MORN1: variants seen among roughly 807,000 people sequenced by gnomAD.
The protein encoded by MORN1 is MORN repeat-containing protein 1.
A neutral mutation model predicts 61.9 loss-of-function variants in MORN1; 67 were observed. The ratio of observed to expected loss-of-function variants is 1.08; its 90% CI spans 0.89 to 1.33. The LOEUF is 1.33. MORN1 is among the 40% of genes most tolerant of loss of function. MORN1 has a pLI of 0.00. For missense variants in MORN1, 752 were observed against 691.2 expected, an observed-to-expected ratio of 1.09 and a Z score of -0.99; for synonymous variants, 301 against 292.0, an observed-to-expected ratio of 1.03 and a Z score of -0.31.
At chr1:2,390,752 C>G (rs1029174694) in intron 1 of MORN1, 3 of 883,478 alleles carry the variant, frequency 3.4e-6, no homozygotes, top group Non-Finnish European at 4.0e-6. Flanking sequence ...AAAACCTGCT[C>G]TTTTTTTTTT....
intron 6 of MORN1, among the ~76,000 whole-genome samples, chr1:2,383,682 G>A (rs999049290): frequency 6.6e-6 from 1 of 152,052 alleles, no homozygotes; most frequent in Non-Finnish European, 1.5e-5. Flanking sequence ...AGACCTGCAC[G>A]CGTGGTTCCT....
In MORN1 at chr1:2,381,119, C is replaced by T. The variant is rs72923103; in HGVS notation, c.537+3859G>A. On this transcript the variant is annotated intron_variant, in intron 6 of 13. Coordinates refer to ENST00000378531, the MANE Select transcript of MORN1 (RefSeq NM_024848.3). ...TCGCTTCTCCTCATTATCCAGAGTC[C>T]AAGGGACAGACCTGGTAATGTCTTC... Among the ~76,000 whole-genome samples the T allele has an allele frequency of 3.6e-3, 550 of 152,356 alleles. 4 individuals are homozygous for T. Among genetic ancestry groups the T allele is most frequent in the African/African-American group, 0.012 (506 of 41,590 alleles).
chr1:2,357,358 C>A lies in MORN1; in HGVS notation c.1036+74G>T. The A allele has an allele frequency of 6.7e-7, 1 of 1,501,304 alleles. No individual in the cohort carries two copies. Among genetic ancestry groups the A allele is most frequent in the South Asian group, 1.3e-5 (1 of 77,388 alleles). 93.0% of individuals were successfully genotyped at this position (1,501,304 alleles called of 1,614,324 possible). On this transcript the variant is annotated intron_variant, in intron 10 of 13. Transcript: ENST00000378531. This position sits in a 1 kb window ranked among gnomAD's most constrained non-coding sequence, Gnocchi z 6.3. ...CCTGCTCTGGCCTGGTTCTGGGTCC[C>A]CATGACCCCACCCCCACCTTGACTG...
Position 2,384,968 on chromosome 1 carries a change from C to G in MORN1, c.537+10G>C. 6.4e-7 allele frequency: 1 copy of G among 1,554,710 alleles called. No individual in the cohort carries two copies. The highest frequency in any genetic ancestry group is 8.7e-7 in the Non-Finnish European group (1 of 1,148,936). On this transcript the variant is annotated intron_variant, in intron 6 of 13. Transcript: ENST00000378531. The stretch of plus-strand genomic sequence containing the variant: ...CCTCTGGGCAGCAGGTGCCGCGCGC[C>G]CCCGGGTACCTTGTAGGTGGAGCCG...
chr1:2,357,353 G>A lies in MORN1; in HGVS notation c.1036+79C>T. On this transcript the variant is annotated intron_variant, in intron 10 of 13. Transcript: ENST00000378531. The surrounding 1 kb of genome is among the most constrained non-coding windows in gnomAD (Gnocchi z 6.3). ...TTGCTCCTGCTCTGGCCTGGTTCTG[G>A]GTCCCCATGACCCCACCCCCACCTT... 6.7e-7 allele frequency: 1 copy of A among 1,482,376 alleles called. No individual in the cohort carries two copies. The highest frequency in any genetic ancestry group is 1.3e-5 in the South Asian group (1 of 75,886). The allele number at this position is 1,482,376 out of a possible 1,614,324, so 91.8% of individuals were successfully genotyped here.
intron 10 of MORN1, among the ~76,000 whole-genome samples, chr1:2,340,144 C>T (rs1641364642): frequency 6.6e-6 from 1 of 152,196 alleles, no homozygotes; most frequent in South Asian, 2.1e-4. Flanking sequence ...TGCCCCTGGG[C>T]CCTCCGGGAG....
chr1:2,384,615 G>T (rs890534925), intron 6 of MORN1, among the ~76,000 whole-genome samples: 4 of 152,208 alleles, frequency 2.6e-5, no homozygotes, highest in African/African-American at 9.7e-5. Context: ...GGTGGAGAAG[G>T]CCCCGCCTCA....
intron 13 of MORN1, chr1:2,322,731 G>A: frequency 1.0e-6 from 1 of 985,470 alleles, no homozygotes. Context: ...GTGTTCCCAG[G>A]AATCCAGCTA....
intron 8 of MORN1, among the ~76,000 whole-genome samples, chr1:2,366,467 T>C (rs1641997924): frequency 6.6e-6 from 1 of 151,744 alleles, no homozygotes; most frequent in Non-Finnish European, 1.5e-5. Context: ...CCTAAAACTT[T>C]AAGTATAATA....
chr1:2,359,497 G>A (rs1641847682), intron 8 of MORN1, among the ~76,000 whole-genome samples: 2 of 152,320 alleles, frequency 1.3e-5, no homozygotes, highest in South Asian at 4.1e-4. Flanking sequence ...GCCACACCCA[G>A]AAGACCCCAC....
rs778061777 is a variant in MORN1, at chr1:2,374,523, C to T, written c.572G>A (p.Gly191Asp). 6.2e-7 allele frequency: 1 copy of T among 1,602,962 alleles called. No individual in the cohort carries two copies. Among genetic ancestry groups the T allele is most frequent in the Non-Finnish European group, 8.5e-7 (1 of 1,175,454 alleles). ...QWHSDVFSGL[G>D]SMAHCSGVTY... Reference sequence around the variant, plus strand: ...GACCCCTGAGCAGTGGGCCATGCTGCCCAGTCCACTGAAGACGTCGCTGTG... The same window carrying T: ...GACCCCTGAGCAGTGGGCCATGCTGTCCAGTCCACTGAAGACGTCGCTGTG... Residue 191 changes from glycine (G) to aspartate (D), a missense_variant, in exon 7 of 14, where the codon GGC becomes GAC. Transcript: ENST00000378531.
chr1:2,375,146 T>C (rs1257771506), intron 6 of MORN1: 4 of 152,256 alleles, frequency 2.6e-5, no homozygotes, highest in East Asian at 3.8e-4. Flanking sequence ...TCATGTGAAA[T>C]AGCAGGGTGA....
chr1:2,354,429 C>T (rs1002872588), intron 10 of MORN1, among the ~76,000 whole-genome samples: 4 of 151,710 alleles, frequency 2.6e-5, no homozygotes, highest in East Asian at 3.9e-4. Context: ...TAGCCGGGCA[C>T]GGTGGCTCGT....
intron 12 of MORN1, chr1:2,332,685 G>A (rs1195750394): frequency 4.4e-6 from 2 of 456,592 alleles, no homozygotes; most frequent in South Asian, 3.1e-5. Context: ...TGTCCACACT[G>A]CAGAATCTCG....
intron 10 of MORN1, among the ~76,000 whole-genome samples, chr1:2,349,868 T>C (rs1464400749): frequency 6.6e-6 from 1 of 152,190 alleles, no homozygotes; most frequent in African/African-American, 2.4e-5. Flanking sequence ...TTGAAAATAT[T>C]CACTGGGAGG....
rs1641229029 is a variant in MORN1, at chr1:2,334,685, C to T, written c.1250+1784G>A. Among the ~76,000 whole-genome samples, 1 of 152,240 alleles carries T rather than the reference C, an allele frequency of 6.6e-6. No homozygotes were observed. Among genetic ancestry groups the T allele is most frequent in the Non-Finnish European group, 1.5e-5 (1 of 68,038 alleles). On this transcript the variant is annotated intron_variant, in intron 12 of 13. Transcript: ENST00000378531. The surrounding 1 kb of genome is among the most constrained non-coding windows in gnomAD (Gnocchi z 5.4). ...ATCATTTGAACACTGAACACTCCGA[C>T]TCCGCGGCCAGGTCGTCCTGGGATT...
chr1:2,391,421 G>A (rs1642660923), intron 1 of MORN1, 37 bp downstream of exon 1: 4 of 1,254,870 alleles, frequency 3.2e-6, no homozygotes, highest in Non-Finnish European at 4.0e-6. Context: ...GGAGCCCAGG[G>A]CAGCCAGCGA....
intron 4 of MORN1, 139 bp downstream of exon 4, chr1:2,387,280 G>T: frequency 1.4e-6 from 1 of 706,402 alleles, no homozygotes; most frequent in South Asian, 1.6e-5. Context: ...CGGAGAAGAG[G>T]GCATGGGCCC....
intron 4 of MORN1, chr1:2,386,141 A>G: frequency 1.9e-6 from 1 of 522,582 alleles, no homozygotes; most frequent in Non-Finnish European, 3.5e-6. Context: ...GTGAGCTGAC[A>G]GGGCAGCAAA....
Sources: gnomAD v4.1 joint callset for allele counts (sites outside exome capture counted in the v4.1 genomes callset) on GRCh38, gnomAD v4.1.1 for gene constraint, Gnocchi (gnomAD v3.1) non-coding constraint, MANE v1.5 for transcripts, NCBI Gene and HGNC (gene_info 2026-07-23, HGNC 2026-07-21) for gene names.